Variants in DZIP3 observed in about 807,000 individuals in gnomAD.
DZIP3 encodes E3 ubiquitin-protein ligase DZIP3.
A neutral mutation model predicts 162.0 loss-of-function variants in DZIP3; 118 were observed. The ratio of observed to expected loss-of-function variants is 0.73; its 90% CI spans 0.63 to 0.85. The LOEUF is 0.85. Ranked by LOEUF, DZIP3 falls within the 40% of genes least tolerant of loss-of-function variation. The pLI is 0.00. For synonymous variants in DZIP3, 438 were observed against 458.6 expected (o/e 0.96, Z 0.57); for missense variants, 1,331 against 1,407.0 (o/e 0.95, Z 0.86).
In DZIP3 at chr3:108,659,013, A is replaced by G. The variant is rs540618217; in HGVS notation, c.2200-2864A>G. 7.1e-4 allele frequency among the ~76,000 whole-genome samples: 108 copies of G among 151,996 alleles called. 1 individual carries two copies. In the Middle Eastern group the frequency reaches 0.01, roughly 14 times the overall value. Reference sequence around the variant, plus strand: ...GGCAATAATTAATAGCTTACCAACCAAAAAAAAGTCCAGGACCAGATGGAT... The same window carrying G: ...GGCAATAATTAATAGCTTACCAACCGAAAAAAAGTCCAGGACCAGATGGAT... On this transcript the variant is annotated intron_variant, in intron 19 of 32. Coordinates refer to ENST00000361582, the MANE Select transcript of DZIP3 (RefSeq NM_014648.4).
At chr3:108,678,665 C>T (rs1303233470) in intron 26 of DZIP3, among the ~76,000 whole-genome samples, 1 of 151,966 alleles carries the variant, frequency 6.6e-6, no homozygotes, top group African/African-American at 2.4e-5. Context: ...AGTAAATTCA[C>T]ACAGCTTTCC....
At chr3:108,668,538 A>T (rs1576449113) in intron 21 of DZIP3, among the ~76,000 whole-genome samples, 1 of 152,150 alleles carries the variant, frequency 6.6e-6, no homozygotes, top group East Asian at 1.9e-4. Flanking sequence ...ATATTGAAGT[A>T]ATGGAAGTAT....
intron 25 of DZIP3, among the ~76,000 whole-genome samples, chr3:108,676,266 T>C (rs1944106217): frequency 6.6e-6 from 1 of 152,074 alleles, no homozygotes; most frequent in Non-Finnish European, 1.5e-5. Flanking sequence ...TGAGTTATGA[T>C]CATGCCACTG....
chr3:108,665,985 A>AAT (rs1440035485), intron 21 of DZIP3, among the ~76,000 whole-genome samples: 1 of 152,196 alleles, frequency 6.6e-6, no homozygotes, highest in Admixed American at 6.5e-5. Context: ...AAACTTTAAA[A>AAT]ATATATATAT....
intron 1 of DZIP3, among the ~76,000 whole-genome samples, chr3:108,597,131 A>G (rs1205300855): frequency 4.6e-5 from 7 of 152,196 alleles, no homozygotes; most frequent in African/African-American, 1.4e-4. Context: ...AAAAAAATTA[A>G]TTCTCCTTTT....
At chr3:108,620,868 C>T (rs1444887091) in intron 5 of DZIP3, among the ~76,000 whole-genome samples, 13 of 152,202 alleles carry the variant, frequency 8.5e-5, no homozygotes, top group Non-Finnish European at 1.9e-4. Context: ...GTCACCCAGG[C>T]TGGAATGCAG....
chr3:108,591,299 A>C (rs1005874931), intron 1 of DZIP3, among the ~76,000 whole-genome samples: 7 of 152,232 alleles, frequency 4.6e-5, no homozygotes, highest in African/African-American at 1.7e-4. Flanking sequence ...AAAATGAATT[A>C]ATGTAAAGTG....
In DZIP3 at chr3:108,642,351, C is replaced by T. The variant is rs536357879; in HGVS notation, c.1065-87C>T. ...TTATTTCTAGGAGAAGATGAAAATACTCACTTAGCCATGCTCATACTAGAA... is the reference window on the plus strand; with the variant it reads ...TTATTTCTAGGAGAAGATGAAAATATTCACTTAGCCATGCTCATACTAGAA... On this transcript the variant is annotated intron_variant, in intron 12 of 32. Coordinates refer to ENST00000361582, the MANE Select transcript of DZIP3 (RefSeq NM_014648.4). 5 of 1,305,846 alleles carry T rather than the reference C, an allele frequency of 3.8e-6. No individual in the cohort carries two copies. The South Asian group carries it at 7.2e-5, about 19-fold the overall frequency. 80.9% of individuals were successfully genotyped at this position (1,305,846 alleles called of 1,614,324 possible). A position where few individuals can be genotyped will look rare whatever the true frequency, so the allele number is the denominator to read the frequency against.
At chr3:108,665,997 G>A (rs1040981186) in intron 21 of DZIP3, among the ~76,000 whole-genome samples, 1 of 152,056 alleles carries the variant, frequency 6.6e-6, no homozygotes, top group Non-Finnish European at 1.5e-5. Flanking sequence ...TATATATATA[G>A]TAGAAGCTTG....
At chr3:108,681,674 C>A (rs1025079947) in intron 26 of DZIP3, among the ~76,000 whole-genome samples, 1 of 151,940 alleles carries the variant, frequency 6.6e-6, no homozygotes, top group African/African-American at 2.4e-5. Flanking sequence ...AGACTTGAAA[C>A]CAACCCAAAT....
intron 1 of DZIP3, among the ~76,000 whole-genome samples, chr3:108,590,914 A>T (rs1418895140): frequency 6.6e-6 from 1 of 152,256 alleles, no homozygotes; most frequent in Admixed American, 6.5e-5. Context: ...CAATAGACTC[A>T]GTGAAAAAAA....
At chr3:108,669,803 C>A in intron 22 of DZIP3, 54 bp downstream of exon 22, 1 of 1,387,152 alleles carries the variant, frequency 7.2e-7, no homozygotes, top group South Asian at 1.2e-5. Flanking sequence ...GTATTTCACT[C>A]AACACTTTCT....
intron 18 of DZIP3, among the ~76,000 whole-genome samples, chr3:108,653,535 A>ATATATATATATG (rs1448322821): frequency 2.1e-5 from 3 of 141,878 alleles, no homozygotes; most frequent in African/African-American, 5.4e-5. Context: ...ATATATATAT[A>ATATATATATATG]TATATATGTA....
At chr3:108,592,705 CA>C (rs59524030) in intron 1 of DZIP3, among the ~76,000 whole-genome samples, 5,943 of 63,894 alleles carry the variant, frequency 0.093, 275 homozygotes, top group African/African-American at 0.23. Context: ...GACCCTGTCT[CA>C]AAAAAAAAAA....
chr3:108,644,295 C>T lies in DZIP3; in HGVS notation c.1273C>T (p.Leu425Phe). 6.2e-7 allele frequency: 1 copy of T among 1,614,022 alleles called. No homozygotes were observed. Among genetic ancestry groups the T allele is most frequent in the Non-Finnish European group, 8.5e-7 (1 of 1,179,938 alleles). The change falls in exon 14 of 33, where the codon CTT becomes TTT. Residue 425 changes from leucine to phenylalanine, a missense_variant. By Grantham distance (22) the Leu-to-Phe change is conservative. Around this residue, in one of 2 missense-constraint regions of DZIP3, gnomAD observed 1,278 missense variants for 1,317.1 expected, o/e 0.97. Transcript: ENST00000361582. Reference sequence around the variant, plus strand: ...GCCACCTCCTCTTTTGAAAAAAGAGCTTCTTATACACAAGAATGTGCTGGA... The same window carrying T: ...GCCACCTCCTCTTTTGAAAAAAGAGTTTCTTATACACAAGAATGTGCTGGA... ...AMPPPLLKKE[L>F]LIHKNVLESY...
Position 108,637,264 on chromosome 3 carries a change from G to T in DZIP3, c.1012-232G>T, listed in dbSNP as rs914284464. Among the ~76,000 whole-genome samples, 11 of 151,890 alleles carry T rather than the reference G, an allele frequency of 7.2e-5. No individual in the cohort carries two copies. In the South Asian group the frequency reaches 1.7e-3, roughly 23 times the overall value. On this transcript the variant is annotated intron_variant, in intron 11 of 32. Coordinates refer to ENST00000361582, the MANE Select transcript of DZIP3 (RefSeq NM_014648.4). ...GTGCTATTTTTGTATTTCAGATTTG[G>T]CATTTAAATCCTATAGTGATATAAA...
intron 19 of DZIP3, among the ~76,000 whole-genome samples, chr3:108,658,586 G>A (rs1450161628): frequency 2.6e-5 from 4 of 152,092 alleles, no homozygotes; most frequent in South Asian, 2.1e-4. Context: ...AAGAACTAGA[G>A]AAGCAAGAGC....
intron 21 of DZIP3, among the ~76,000 whole-genome samples, chr3:108,663,491 G>GGTTGCAGTGAGCCGAGATCGTGCC: frequency 6.6e-6 from 1 of 151,768 alleles, no homozygotes; most frequent in Non-Finnish European, 1.5e-5. Flanking sequence ...AGGAGGCGGA[G>GGTTGCAGTGAGCCGAGATCGTGCC]GTTGCAGTGA....
At chr3:108,633,121 T>C (rs1941964161) in intron 9 of DZIP3, 49 bp downstream of exon 9, 1 of 877,734 alleles carries the variant, frequency 1.1e-6, no homozygotes, top group African/African-American at 1.8e-5. Flanking sequence ...ATTGAAAAAT[T>C]ATATATAACT....
Sources: allele counts gnomAD v4.1 joint callset (sites outside exome capture counted in the v4.1 genomes callset), GRCh38; gene constraint gnomAD v4.1.1; regional missense constraint gnomAD v4.1.1; transcripts MANE v1.5; gene names NCBI Gene and HGNC (gene_info 2026-07-23, HGNC 2026-07-21).